Variants in MACROD2 observed in about 807,000 individuals in gnomAD.
MACROD2 encodes mono-ADP ribosylhydrolase 2, also known as ADP-ribose glycohydrolase MACROD2.
Under a neutral mutation model 70.4 loss-of-function variants are expected in MACROD2, and 36 were observed. That is an observed-to-expected ratio of 0.51 (90% CI 0.39 to 0.68). MACROD2 has a LOEUF of 0.68. MACROD2 is among the 30% of genes least tolerant of loss of function. The pLI is 0.00. For synonymous variants in MACROD2, 172 were observed against 178.8 expected (o/e 0.96, Z 0.30); for missense variants, 496 against 538.4 (o/e 0.92, Z 0.78).
At chr20:14,895,368 T>A (rs566463489) in intron 5 of MACROD2, 3 of 152,134 alleles carry the variant, frequency 2.0e-5, no homozygotes, top group African/African-American at 7.2e-5. Context: ...AGAGCAGGAG[T>A]ATTTCTGGAA....
chr20:14,389,695 A>G (rs1168175177), intron 3 of MACROD2, among the ~76,000 whole-genome samples: 2 of 152,244 alleles, frequency 1.3e-5, no homozygotes, highest in East Asian at 1.9e-4. Flanking sequence ...ATTTCTCTCA[A>G]TGGCAAATGG....
intron 7 of MACROD2, among the ~76,000 whole-genome samples, chr20:15,484,722 C>T (rs1478257299): frequency 6.6e-6 from 1 of 152,180 alleles, no homozygotes; most frequent in Non-Finnish European, 1.5e-5. Flanking sequence ...TGGTCCAGCT[C>T]CTGGAGGTAA....
intron 8 of MACROD2, among the ~76,000 whole-genome samples, chr20:15,843,765 A>G (rs960871946): frequency 6.6e-6 from 1 of 152,206 alleles, no homozygotes; most frequent in African/African-American, 2.4e-5. Context: ...AGAAAGCTGC[A>G]ACTGAGAGGA....
chr20:15,301,834 A>G (rs1301478480), intron 6 of MACROD2, among the ~76,000 whole-genome samples: 3 of 152,088 alleles, frequency 2.0e-5, no homozygotes, highest in Non-Finnish European at 4.4e-5. Flanking sequence ...TTCCCCTTCC[A>G]TCAGTTCTGG....
At chr20:15,472,093 T>C (rs2046970281) in intron 7 of MACROD2, among the ~76,000 whole-genome samples, 2 of 152,210 alleles carry the variant, frequency 1.3e-5, no homozygotes, top group Non-Finnish European at 2.9e-5. Context: ...TCCTCTTTCC[T>C]GATCCCAAAC....
At chr20:15,019,182 G>A (rs1402677752) in intron 5 of MACROD2, among the ~76,000 whole-genome samples, 5 of 151,958 alleles carry the variant, frequency 3.3e-5, no homozygotes, top group African/African-American at 7.3e-5. Context: ...CGCGCGCGGA[G>A]AGAGTTTTCT....
chr20:14,587,605 GT>G (rs1412784500), intron 4 of MACROD2, among the ~76,000 whole-genome samples: 1 of 151,680 alleles, frequency 6.6e-6, no homozygotes, highest in African/African-American at 2.4e-5. Flanking sequence ...AGAAATGATT[GT>G]TTTATTAAAA....
intron 6 of MACROD2, among the ~76,000 whole-genome samples, chr20:15,257,678 C>A (rs2077211386): frequency 6.6e-6 from 1 of 151,980 alleles, no homozygotes; most frequent in Admixed American, 6.6e-5. Flanking sequence ...TCTGTGCTGT[C>A]AGTCACACAT....
intron 6 of MACROD2, 70 bp from the exon 7 acceptor site, chr20:15,431,335 G>A (rs2046361310): frequency 7.1e-7 from 1 of 1,403,210 alleles, no homozygotes; most frequent in Non-Finnish European, 1.0e-6. Context: ...CAAAATAGAT[G>A]TTGAGAAAGA....
chr20:15,188,707 C>A (rs2076549877), intron 5 of MACROD2, among the ~76,000 whole-genome samples: 1 of 152,162 alleles, frequency 6.6e-6, no homozygotes, highest in Non-Finnish European at 1.5e-5. Flanking sequence ...AATGAGTTGT[C>A]ATTTATGACA....
intron 6 of MACROD2, among the ~76,000 whole-genome samples, chr20:15,402,522 T>C (rs930407340): frequency 2.6e-5 from 4 of 152,224 alleles, no homozygotes; most frequent in Non-Finnish European, 4.4e-5. Context: ...ATATGAAATC[T>C]TTCCATTCAT....
rs77493251 is a variant in MACROD2, at chr20:15,452,123, G to C, written c.571+20688G>C. ...AGAAATCCAGCCCTTTCCATCCACT[G>C]TTTAGAGTTCACTTATCGGGCAAGC... On this transcript the variant is annotated intron_variant, in intron 7 of 17. Coordinates refer to ENST00000684519, the MANE Select transcript of MACROD2 (RefSeq NM_001351661.2). 2.1e-3 allele frequency among the ~76,000 whole-genome samples: 314 copies of C among 152,258 alleles called. 2 individuals are homozygous for C. Among genetic ancestry groups the C allele is most frequent in the African/African-American group, 7.2e-3 (298 of 41,576 alleles).
intron 3 of MACROD2, among the ~76,000 whole-genome samples, chr20:14,390,861 C>T (rs1221683317): frequency 6.6e-6 from 1 of 152,164 alleles, no homozygotes; most frequent in African/African-American, 2.4e-5. Flanking sequence ...AACCAACAAT[C>T]ATATTTAAAA....
rs527670409 is a variant in MACROD2 at position 15,809,970 on chromosome 20, C to T, written c.646-52775C>T. On this transcript the variant is annotated intron_variant, in intron 8 of 17. Coordinates refer to ENST00000684519, the MANE Select transcript of MACROD2 (RefSeq NM_001351661.2). ...TGTTGGTGTACTGCACCCATTAACT[C>T]GTCATTTAGCATTAGGTATATCTCC... Among the ~76,000 whole-genome samples, 321 of 149,938 alleles carry T rather than the reference C, an allele frequency of 2.1e-3. 1 individual carries two copies. The highest frequency in any genetic ancestry group is 7.4e-3 in the African/African-American group (303 of 40,730).
At chr20:14,564,236 A>T (rs1979628189) in intron 4 of MACROD2, among the ~76,000 whole-genome samples, 1 of 152,018 alleles carries the variant, frequency 6.6e-6, no homozygotes, top group African/African-American at 2.4e-5. Context: ...AAAACCAATA[A>T]AAGTCCCAGA....
At chr20:15,169,191 G>A (rs1459795647) in intron 5 of MACROD2, among the ~76,000 whole-genome samples, 7 of 152,094 alleles carry the variant, frequency 4.6e-5, no homozygotes, top group Admixed American at 2.6e-4. Flanking sequence ...AGTTAAAAAA[G>A]CAGCTCAGGA....
intron 8 of MACROD2, among the ~76,000 whole-genome samples, chr20:15,639,473 C>A (rs181256504): frequency 6.6e-6 from 1 of 152,184 alleles, no homozygotes; most frequent in Admixed American, 6.5e-5. Context: ...CCTCAGCCCC[C>A]ACTGTAGTGC....
intron 8 of MACROD2, among the ~76,000 whole-genome samples, chr20:15,764,275 A>G (rs982953705): frequency 6.6e-5 from 10 of 152,166 alleles, no homozygotes; most frequent in African/African-American, 2.2e-4. Context: ...TATTGATCTG[A>G]TTAAGATGAA....
At chr20:15,234,829 T>A (rs955852522) in intron 6 of MACROD2, among the ~76,000 whole-genome samples, 1 of 152,188 alleles carries the variant, frequency 6.6e-6, no homozygotes, top group Non-Finnish European at 1.5e-5. Context: ...TAATTTTGTA[T>A]CCAATATCAC....
Sources: gnomAD v4.1 joint callset for allele counts (sites outside exome capture counted in the v4.1 genomes callset) on GRCh38, gnomAD v4.1.1 for gene constraint, MANE v1.5 for transcripts, NCBI Gene and HGNC (gene_info 2026-07-23, HGNC 2026-07-21) for gene names.